The following C12orf56 variants were observed in gnomAD, a reference collection of about 807,000 sequenced individuals.
C12orf56 encodes the protein chromosome 12 open reading frame 56.
Under a neutral mutation model 69.9 loss-of-function variants are expected in C12orf56, and 71 were observed. The ratio of observed to expected loss-of-function variants is 1.02; its 90% CI spans 0.84 to 1.24. The LOEUF (loss-of-function observed/expected upper bound fraction) is 1.24. C12orf56 is among the 50% of genes most tolerant of loss of function. The pLI is 0.00. For missense variants in C12orf56, 732 were observed against 738.5 expected, an observed-to-expected ratio of 0.99 and a Z score of 0.10; for synonymous variants, 276 against 274.1, an observed-to-expected ratio of 1.01 and a Z score of -0.07.
intron 4 of C12orf56, among the ~76,000 whole-genome samples, chr12:64,314,420 G>A (rs909987297): frequency 6.6e-6 from 1 of 152,066 alleles, no homozygotes; most frequent in African/African-American, 2.4e-5. Context: ...TGATTATTTA[G>A]TATTCCATAG....
intron 1 of C12orf56, among the ~76,000 whole-genome samples, chr12:64,386,033 T>G (rs779982433): frequency 5.9e-5 from 9 of 152,210 alleles, no homozygotes; most frequent in Non-Finnish European, 7.4e-5. Context: ...CAGGACCTTC[T>G]GGAAGCTTTA....
chr12:64,304,740 T>G (rs2038489422), intron 5 of C12orf56, among the ~76,000 whole-genome samples: 1 of 152,152 alleles, frequency 6.6e-6, no homozygotes, highest in Non-Finnish European at 1.5e-5. Context: ...CCTGAGTGCT[T>G]TCCGTAGACT....
At chr12:64,299,183 TTGTC>T (rs2038410741) in intron 6 of C12orf56, among the ~76,000 whole-genome samples, 1 of 152,188 alleles carries the variant, frequency 6.6e-6, no homozygotes, top group Non-Finnish European at 1.5e-5. Flanking sequence ...GGCTCTCTGT[TTGTC>T]TGTTATTGGT....
intron 2 of C12orf56, among the ~76,000 whole-genome samples, chr12:64,336,414 A>G (rs985506824): frequency 4.6e-5 from 7 of 152,272 alleles, no homozygotes; most frequent in African/African-American, 1.7e-4. Context: ...AAATGTCATC[A>G]AACTTCGATC....
chr12:64,347,273 C>T (rs923021089), intron 2 of C12orf56, among the ~76,000 whole-genome samples: 4 of 148,206 alleles, frequency 2.7e-5, no homozygotes, highest in Non-Finnish European at 4.4e-5. Flanking sequence ...CCACCATGCC[C>T]AGCCTAGTAA....
chr12:64,286,942 G>C (rs1367069615), intron 6 of C12orf56, among the ~76,000 whole-genome samples: 1 of 152,074 alleles, frequency 6.6e-6, no homozygotes, highest in African/African-American at 2.4e-5. Flanking sequence ...GGATTTGAAA[G>C]AAGGAAGGAC....
intron 2 of C12orf56, among the ~76,000 whole-genome samples, chr12:64,331,986 T>A (rs1475450727): frequency 6.6e-6 from 1 of 151,530 alleles, no homozygotes; most frequent in African/African-American, 2.4e-5. Flanking sequence ...CTTTGCTCCT[T>A]CCATGAAATG....
intron 6 of C12orf56, among the ~76,000 whole-genome samples, chr12:64,298,211 G>T (rs1309150720): frequency 6.6e-6 from 1 of 152,018 alleles, no homozygotes; most frequent in Admixed American, 6.6e-5. Flanking sequence ...CATATCCTTT[G>T]CCCACTTTTT....
At chr12:64,387,077 CA>C (rs869290282) in intron 1 of C12orf56, among the ~76,000 whole-genome samples, 3 of 42,102 alleles carry the variant, frequency 7.1e-5, no homozygotes, top group African/African-American at 3.3e-4. Flanking sequence ...GACTCTATCT[CA>C]AAAAAAAAAA....
chr12:64,313,305 T>A (rs1177958616), intron 4 of C12orf56, among the ~76,000 whole-genome samples: 3 of 107,142 alleles, frequency 2.8e-5, no homozygotes, highest in Non-Finnish European at 4.1e-5. Flanking sequence ...AAAGAAATTA[T>A]TTATCAAAAT....
intron 4 of C12orf56, among the ~76,000 whole-genome samples, chr12:64,313,278 G>A (rs200792450): frequency 1.1e-5 from 1 of 92,484 alleles, no homozygotes; most frequent in Non-Finnish European, 2.3e-5. Context: ...AAAAAAAAAA[G>A]AAAGAAAGAA....
intron 5 of C12orf56, among the ~76,000 whole-genome samples, chr12:64,304,661 C>T (rs1264421660): frequency 6.6e-5 from 10 of 152,156 alleles, no homozygotes; most frequent in East Asian, 1.9e-4. Flanking sequence ...AATATTGTTT[C>T]CCCCTCCCAC....
intron 1 of C12orf56, among the ~76,000 whole-genome samples, chr12:64,374,541 CT>C (rs547395156): frequency 1.2e-3 from 179 of 149,514 alleles, no homozygotes; most frequent in Non-Finnish European, 2.1e-3. Context: ...TTTTTTCCAA[CT>C]TTTTTTTTTC....
chr12:64,338,521 G>A (rs1454564296), intron 2 of C12orf56: 4 of 1,191,846 alleles, frequency 3.4e-6, no homozygotes, highest in Non-Finnish European at 5.0e-6. Flanking sequence ...ACAAACCTGT[G>A]GTAAGGTCAT....
At position 64,318,687 on chromosome 12, in the gene C12orf56, G is replaced by A. The variant is rs1263944475; in HGVS notation, c.782C>T (p.Ser261Leu). Residue 261 changes from serine (S) to leucine (L), a missense_variant, in exon 4 of 13, where the codon TCA (serine) becomes TTA (leucine). By Grantham distance (145) the Ser-to-Leu change is moderately radical (BLOSUM62 -2). Transcript: ENST00000543942. ...YLGNSLLDSPSQSNSNLEKKE... is the reference protein window; with the variant it reads ...YLGNSLLDSPLQSNSNLEKKE... ...TTTCTCTAAATTTGAGTTGCTCTGTGAAGGGGAATCTAAGAGGGAATTTCC... is the reference window on the plus strand; with the variant it reads ...TTTCTCTAAATTTGAGTTGCTCTGTAAAGGGGAATCTAAGAGGGAATTTCC... 1 of 1,537,150 alleles carries A rather than the reference G, an allele frequency of 6.5e-7. No homozygotes were observed. The highest frequency in any genetic ancestry group is 1.4e-5 in the African/African-American group (1 of 73,166).
chr12:64,353,815 G>A (rs2039266950), intron 1 of C12orf56, among the ~76,000 whole-genome samples: 1 of 152,074 alleles, frequency 6.6e-6, no homozygotes, highest in African/African-American at 2.4e-5. Context: ...CCAAGTAACT[G>A]GAGTTACAGG....
chr12:64,293,740 C>T (rs191510910), intron 6 of C12orf56, among the ~76,000 whole-genome samples: 1 of 152,212 alleles, frequency 6.6e-6, no homozygotes, highest in Admixed American at 6.5e-5. Flanking sequence ...AAATATTATG[C>T]CAAAAGAAGC....
At chr12:64,377,123 CTTT>C (rs1393171308) in intron 1 of C12orf56, among the ~76,000 whole-genome samples, 1 of 151,020 alleles carries the variant, frequency 6.6e-6, no homozygotes, top group African/African-American at 2.4e-5. Context: ...TGATGTTGAA[CTTT>C]TTTCACATAT....
chr12:64,273,151 C>T (rs372142845), intron 11 of C12orf56, among the ~76,000 whole-genome samples: 2 of 151,858 alleles, frequency 1.3e-5, no homozygotes, highest in East Asian at 3.9e-4. Flanking sequence ...AAAATTTAGC[C>T]GGGTATGGTG....
Sources: gnomAD v4.1 joint callset for allele counts (sites outside exome capture counted in the v4.1 genomes callset) on GRCh38, gnomAD v4.1.1 for gene constraint, MANE v1.5 for transcripts, NCBI Gene and HGNC (gene_info 2026-07-23, HGNC 2026-07-21) for gene names.